The following RORA variants were observed in gnomAD, a reference collection of about 807,000 sequenced individuals.
RORA encodes the protein RAR related orphan receptor A, also known as nuclear receptor ROR-alpha.
A neutral mutation model predicts 69.5 loss-of-function variants in RORA; 7 were observed. That is an observed-to-expected ratio of 0.10 (90% CI 0.06 to 0.19). The LOEUF (loss-of-function observed/expected upper bound fraction) is 0.19, where lower values mean the gene tolerates loss of function less well. Ranked by LOEUF, RORA falls within the 10% of genes least tolerant of loss-of-function variation. The pLI, the probability that RORA is intolerant of heterozygous loss-of-function variation, is 1.00. For synonymous variants in RORA, 261 were observed against 240.8 expected, an observed-to-expected ratio of 1.08 and a Z score of -0.78; for missense variants, 457 against 663.0, an observed-to-expected ratio of 0.69 and a Z score of 3.41.
At chr15:60,742,431 C>T (rs943574056) in intron 1 of RORA, among the ~76,000 whole-genome samples, 3 of 152,090 alleles carry the variant, frequency 2.0e-5, no homozygotes, top group African/African-American at 7.2e-5. Context: ...TATACACAGT[C>T]GAATGGCAAA....
At chr15:61,171,258 G>A (rs1315660292) in intron 1 of RORA, among the ~76,000 whole-genome samples, 12 of 152,064 alleles carry the variant, frequency 7.9e-5, no homozygotes, top group African/African-American at 2.2e-4. Flanking sequence ...AGGGGCACAC[G>A]GTGGGTGGGC....
In RORA at chr15:60,514,936, G is replaced by T. The variant is rs1168725330; in HGVS notation, c.283-179C>A. ...CACTTCTTTTTCCTTGAGTAAAATTGATCCCCAGAGCCTAATCCTCCATCC... is the reference window on the plus strand; with the variant it reads ...CACTTCTTTTTCCTTGAGTAAAATTTATCCCCAGAGCCTAATCCTCCATCC... On this transcript the variant is annotated intron_variant, in intron 3 of 10. Transcript: ENST00000335670. 3.3e-5 allele frequency among the ~76,000 whole-genome samples: 5 copies of T among 152,120 alleles called. No individual in the cohort carries two copies. The East Asian group carries it at 7.7e-4, about 23-fold the overall frequency.
At chr15:60,917,580 T>C (rs1891916220) in intron 1 of RORA, among the ~76,000 whole-genome samples, 1 of 152,190 alleles carries the variant, frequency 6.6e-6, no homozygotes, top group Non-Finnish European at 1.5e-5. Flanking sequence ...CGAGCAGCTC[T>C]ATCTGGGAGA....
intron 1 of RORA, among the ~76,000 whole-genome samples, chr15:60,916,317 T>C (rs543896893): frequency 1.3e-5 from 2 of 152,322 alleles, no homozygotes; most frequent in East Asian, 1.9e-4. Context: ...GCAACTTCAC[T>C]GAGATTCACA....
At chr15:60,914,950 T>C (rs907524681) in intron 1 of RORA, among the ~76,000 whole-genome samples, 3 of 152,216 alleles carry the variant, frequency 2.0e-5, no homozygotes, top group Admixed American at 1.3e-4. Flanking sequence ...GCCAAATGCT[T>C]CCACCTTTCA....
At chr15:60,627,615 G>T (rs548206134) in intron 2 of RORA, 2 of 776,676 alleles carry the variant, frequency 2.6e-6, no homozygotes, top group East Asian at 2.5e-4. Context: ...TCCAAAGCTG[G>T]GCTCCTCTCT....
At chr15:60,600,045 G>A (rs2068778541) in intron 2 of RORA, among the ~76,000 whole-genome samples, 1 of 152,160 alleles carries the variant, frequency 6.6e-6, no homozygotes, top group African/African-American at 2.4e-5. Context: ...ATTTGATTTT[G>A]TATCTCATCC....
intron 2 of RORA, chr15:60,627,179 G>T: frequency 6.7e-7 from 1 of 1,484,510 alleles, no homozygotes; most frequent in Non-Finnish European, 9.4e-7. Context: ...GTTGTGGGTG[G>T]TGGGGGGAGG....
chr15:60,799,807 G>A (rs1246131816), intron 1 of RORA, among the ~76,000 whole-genome samples: 1 of 152,196 alleles, frequency 6.6e-6, no homozygotes, highest in Admixed American at 6.5e-5. Flanking sequence ...GAGGGGCACA[G>A]GAAGAGACAA....
At chr15:60,597,120 G>C (rs573930837) in intron 2 of RORA, among the ~76,000 whole-genome samples, 1 of 152,124 alleles carries the variant, frequency 6.6e-6, no homozygotes, top group Non-Finnish European at 1.5e-5. Context: ...GCGCAGCACT[G>C]TGCCACTCAC....
chr15:60,925,211 C>T (rs1892177166), intron 1 of RORA, among the ~76,000 whole-genome samples: 1 of 152,210 alleles, frequency 6.6e-6, no homozygotes, highest in Non-Finnish European at 1.5e-5. Context: ...GCTGCAGCCA[C>T]AGGTGTAGAC....
At chr15:60,990,642 T>C (rs971328580) in intron 1 of RORA, among the ~76,000 whole-genome samples, 2 of 152,166 alleles carry the variant, frequency 1.3e-5, no homozygotes, top group Non-Finnish European at 1.5e-5. Context: ...TTAAAATGTG[T>C]GAAATATGTT....
At chr15:60,990,256 T>C (rs1208318592) in intron 1 of RORA, among the ~76,000 whole-genome samples, 1 of 152,162 alleles carries the variant, frequency 6.6e-6, no homozygotes, top group East Asian at 1.9e-4. Context: ...CAATTAATAG[T>C]ATAAAAGTGT....
intron 1 of RORA, among the ~76,000 whole-genome samples, chr15:60,810,758 T>C (rs560815067): frequency 6.6e-6 from 1 of 151,916 alleles, no homozygotes; most frequent in South Asian, 2.1e-4. Flanking sequence ...CTGTTTCCTC[T>C]AACTTGCTGC....
At chr15:61,026,081 T>TAGAC (rs1895794652) in intron 1 of RORA, among the ~76,000 whole-genome samples, 1 of 152,238 alleles carries the variant, frequency 6.6e-6, no homozygotes, top group South Asian at 2.1e-4. Flanking sequence ...CTCATGGGAA[T>TAGAC]AGACATCTGA....
intron 1 of RORA, among the ~76,000 whole-genome samples, chr15:61,025,932 T>C (rs1262762053): frequency 1.3e-5 from 2 of 152,144 alleles, no homozygotes; most frequent in Non-Finnish European, 2.9e-5. Flanking sequence ...GGATAAAACT[T>C]TCAAATTAAA....
chr15:60,764,687 T>C (rs2071953965), intron 1 of RORA: 1 of 152,228 alleles, frequency 6.6e-6, no homozygotes, highest in East Asian at 1.9e-4. Flanking sequence ...CATCTGGATA[T>C]GTATTTTTAA....
chr15:60,658,676 C>T (rs1444611024), intron 2 of RORA, among the ~76,000 whole-genome samples: 2 of 152,156 alleles, frequency 1.3e-5, no homozygotes, highest in Non-Finnish European at 2.9e-5. Flanking sequence ...TTAATAAATG[C>T]CAACCCAATC....
At chr15:60,719,305 A>ATG (rs576552710) in intron 1 of RORA, among the ~76,000 whole-genome samples, 3,070 of 151,150 alleles carry the variant, frequency 0.02, 46 homozygotes, top group Non-Finnish European at 0.031. Context: ...AAATAAAAAA[A>ATG]TGTGTGTGTG....
Sources: gnomAD v4.1 joint callset for allele counts (sites outside exome capture counted in the v4.1 genomes callset) on GRCh38, gnomAD v4.1.1 for gene constraint, MANE v1.5 for transcripts, NCBI Gene and HGNC (gene_info 2026-07-23, HGNC 2026-07-21) for gene names.